The following SCFD2 variants were observed in gnomAD, a reference collection of about 807,000 sequenced individuals.
SCFD2 encodes the protein sec1 family domain-containing protein 2.
Under a neutral mutation model 58.9 loss-of-function variants are expected in SCFD2, and 54 were observed. The ratio of observed to expected loss-of-function variants is 0.92; its 90% CI spans 0.74 to 1.15. SCFD2 has a LOEUF of 1.15. Ranked by LOEUF, SCFD2 falls within the 50% of genes most tolerant of loss-of-function variation. The probability of loss-of-function intolerance (pLI) is 0.00; values close to 1 mark genes in which losing one functional copy is unlikely to be tolerated. For missense variants in SCFD2, 805 were observed against 836.6 expected, an observed-to-expected ratio of 0.96 and a Z score of 0.47; for synonymous variants, 321 against 335.9, an observed-to-expected ratio of 0.96 and a Z score of 0.49.
At chr4:53,065,336 C>A (rs183511692) in intron 5 of SCFD2, among the ~76,000 whole-genome samples, 1 of 152,104 alleles carries the variant, frequency 6.6e-6, no homozygotes, top group Admixed American at 6.6e-5. Context: ...ATAACAGAGA[C>A]AAACTTTAGT....
At chr4:53,053,515 C>T (rs1457181932) in intron 5 of SCFD2, among the ~76,000 whole-genome samples, 1 of 152,180 alleles carries the variant, frequency 6.6e-6, no homozygotes, top group Non-Finnish European at 1.5e-5. Context: ...CTCAGCAAGG[C>T]ATACAAAGCT....
intron 4 of SCFD2, among the ~76,000 whole-genome samples, chr4:53,148,582 T>C (rs1344408189): frequency 6.6e-6 from 1 of 152,370 alleles, no homozygotes; most frequent in East Asian, 1.9e-4. Context: ...GACCAGAGGA[T>C]GGCTGGGCAA....
intron 4 of SCFD2, among the ~76,000 whole-genome samples, chr4:53,216,516 A>C (rs575757748): frequency 8.6e-5 from 13 of 151,796 alleles, no homozygotes; most frequent in East Asian, 5.8e-4. Flanking sequence ...TTTTTATTGC[A>C]TCTATTTGAT....
intron 4 of SCFD2, among the ~76,000 whole-genome samples, chr4:53,257,372 G>T (rs1730678023): frequency 6.6e-6 from 1 of 152,192 alleles, no homozygotes; most frequent in Admixed American, 6.5e-5. Context: ...AATAAAGGCA[G>T]ATCCTAACCC....
intron 2 of SCFD2, among the ~76,000 whole-genome samples, chr4:53,342,419 A>G (rs1386887874): frequency 6.6e-6 from 1 of 152,242 alleles, no homozygotes; most frequent in Non-Finnish European, 1.5e-5. Flanking sequence ...TATCCTAAAT[A>G]TATATGCACC....
At chr4:53,097,179 G>A (rs548070528) in intron 5 of SCFD2, among the ~76,000 whole-genome samples, 1 of 152,278 alleles carries the variant, frequency 6.6e-6, no homozygotes, top group South Asian at 2.1e-4. Flanking sequence ...TTTGGCTTAG[G>A]ATTGTCTTGG....
At chr4:53,089,761 G>C (rs1724418156) in intron 5 of SCFD2, among the ~76,000 whole-genome samples, 1 of 152,100 alleles carries the variant, frequency 6.6e-6, no homozygotes, top group African/African-American at 2.4e-5. Flanking sequence ...GCCATCTCTA[G>C]ATGTCCCGTT....
intron 7 of SCFD2, among the ~76,000 whole-genome samples, chr4:52,901,610 A>G (rs1719201212): frequency 6.6e-6 from 1 of 152,138 alleles, no homozygotes; most frequent in African/African-American, 2.4e-5. Flanking sequence ...TTGGAGGTGA[A>G]TCCTTCCCTA....
At chr4:53,339,369 T>C (rs78294400) in intron 2 of SCFD2, among the ~76,000 whole-genome samples, 131 of 150,496 alleles carry the variant, frequency 8.7e-4, no homozygotes, top group African/African-American at 3.0e-3. Flanking sequence ...TTACATATTA[T>C]ATATATGTAA....
intron 4 of SCFD2, among the ~76,000 whole-genome samples, chr4:53,183,330 T>G (rs1372442697): frequency 1.3e-5 from 2 of 152,094 alleles, no homozygotes; most frequent in Admixed American, 1.3e-4. Context: ...CCATAAAAAA[T>G]GATGAGTTCA....
chr4:53,043,709 A>G (rs1485632549), intron 5 of SCFD2, among the ~76,000 whole-genome samples: 1 of 152,178 alleles, frequency 6.6e-6, no homozygotes, highest in African/African-American at 2.4e-5. Flanking sequence ...GTGAGGATAC[A>G]CACCAGATTT....
intron 5 of SCFD2, among the ~76,000 whole-genome samples, chr4:53,144,489 T>C (rs1342392107): frequency 6.8e-6 from 1 of 147,892 alleles, no homozygotes; most frequent in Non-Finnish European, 1.5e-5. Flanking sequence ...GGTGTGTATA[T>C]ATATACACAC....
At chr4:53,343,873 T>A (rs559834333) in intron 2 of SCFD2, among the ~76,000 whole-genome samples, 1 of 152,318 alleles carries the variant, frequency 6.6e-6, no homozygotes, top group South Asian at 2.1e-4. Flanking sequence ...TCTCAATAGA[T>A]GCAGAAAAGA....
chr4:53,035,787 C>T (rs186493350), intron 5 of SCFD2, among the ~76,000 whole-genome samples: 4 of 152,132 alleles, frequency 2.6e-5, no homozygotes, highest in Admixed American at 6.5e-5. Context: ...TACCATCTCA[C>T]GCCAGCTAGA....
intron 5 of SCFD2, among the ~76,000 whole-genome samples, chr4:53,080,217 T>C (rs1479342286): frequency 6.6e-6 from 1 of 152,176 alleles, no homozygotes; most frequent in Non-Finnish European, 1.5e-5. Context: ...TATCACCATT[T>C]GTAATTACCA....
rs532238262 is a variant in SCFD2, at chr4:53,266,125, G to T, written c.1311+7701C>A. On this transcript the variant is annotated intron_variant, in intron 4 of 8. Transcript: ENST00000401642. ...CAGAAAAAGTGGGCTTTAAATCAAG[G>T]TTTAAAGAGAAATACTGTCTAACAT... Among the ~76,000 whole-genome samples, 8 of 152,144 alleles carry T rather than the reference G, an allele frequency of 5.3e-5. No homozygotes were observed. The East Asian group carries it at 5.8e-4, about 11-fold the overall frequency.
chr4:53,156,483 G>T (rs1726690570), intron 4 of SCFD2, among the ~76,000 whole-genome samples: 1 of 151,660 alleles, frequency 6.6e-6, no homozygotes, highest in African/African-American at 2.4e-5. Flanking sequence ...AGATCATGAG[G>T]TCAGGAGATC....
intron 4 of SCFD2, among the ~76,000 whole-genome samples, chr4:53,264,955 T>TA (rs1012894040): frequency 1.3e-5 from 2 of 152,154 alleles, no homozygotes; most frequent in African/African-American, 4.8e-5. Context: ...TATATTTTAT[T>TA]AAAAAACCAT....
chr4:52,938,957 G>C (rs1720215530), intron 5 of SCFD2, among the ~76,000 whole-genome samples: 1 of 152,106 alleles, frequency 6.6e-6, no homozygotes, highest in Non-Finnish European at 1.5e-5. Context: ...TGCCACTTCT[G>C]AGCTGAAGCC....
Sources: gnomAD v4.1 joint callset for allele counts (sites outside exome capture counted in the v4.1 genomes callset) on GRCh38, gnomAD v4.1.1 for gene constraint, MANE v1.5 for transcripts, NCBI Gene and HGNC (gene_info 2026-07-23, HGNC 2026-07-21) for gene names.